ZNF2: variants seen among roughly 807,000 people sequenced by gnomAD.
The protein encoded by ZNF2 is zinc finger protein 2, also known as zinc finger protein 2.2.
ZNF2 carries 12 observed loss-of-function variants against 21.9 expected under a neutral mutation model. That is an observed-to-expected ratio of 0.55 (90% confidence interval 0.35 to 0.89). The LOEUF (loss-of-function observed/expected upper bound fraction) is 0.89. Ranked by LOEUF, ZNF2 falls within the 40% of genes least tolerant of loss-of-function variation. The pLI is 0.01. For synonymous variants in ZNF2, 186 were observed against 196.3 expected, an observed-to-expected ratio of 0.95 and a Z score of 0.44; for missense variants, 462 against 544.2, an observed-to-expected ratio of 0.85 and a Z score of 1.50.
intron 4 of ZNF2, 77 bp from the exon 5 acceptor site, chr2:95,181,026 C>T (rs1373081130): frequency 1.3e-6 from 2 of 1,512,416 alleles, no homozygotes; most frequent in Middle Eastern, 1.8e-4. Flanking sequence ...TACTTTCAGA[C>T]TCATCGGAGC....
rs775248552 is a variant in ZNF2 at position 95,180,111 on chromosome 2, A to C, written c.161-48A>C. On this transcript the variant is annotated intron_variant, in intron 3 of 4. Coordinates refer to ENST00000614034, the MANE Select transcript of ZNF2 (RefSeq NM_021088.4). Reference sequence around the variant, plus strand: ...GATTGAGCTTTGGGAGAGTGATATTATTTTCATCACACACAGCCACCTGCT... The same window carrying C: ...GATTGAGCTTTGGGAGAGTGATATTCTTTTCATCACACACAGCCACCTGCT... 2.1e-5 allele frequency: 28 copies of C among 1,337,654 alleles called. No homozygotes were observed. In the South Asian group the frequency reaches 3.2e-4, roughly 15 times the overall value. 82.9% of individuals were successfully genotyped at this position (1,337,654 alleles called of 1,614,324 possible).
At chr2:95,169,104 G>C (rs549370654) in intron 1 of ZNF2, among the ~76,000 whole-genome samples, 2 of 152,216 alleles carry the variant, frequency 1.3e-5, no homozygotes, top group Admixed American at 6.5e-5. Context: ...TGGTGGATTT[G>C]AGAAGTCTTC....
At chr2:95,171,396 T>TC (rs1200088324) in intron 1 of ZNF2, among the ~76,000 whole-genome samples, 3 of 151,262 alleles carry the variant, frequency 2.0e-5, no homozygotes, top group South Asian at 2.1e-4. Context: ...TTTTTTTTTT[T>TC]CCCCGACTCA....
intron 1 of ZNF2, 146 bp from the exon 2 acceptor site, chr2:95,176,042 C>T: frequency 5.3e-6 from 4 of 760,376 alleles, no homozygotes; most frequent in Non-Finnish European, 9.2e-6. Context: ...TGGGATTGTT[C>T]CTGGCTTTGC....
intron 1 of ZNF2, among the ~76,000 whole-genome samples, chr2:95,169,349 A>G (rs1330000391): frequency 6.6e-6 from 1 of 152,252 alleles, no homozygotes; most frequent in Non-Finnish European, 1.5e-5. Context: ...TTTCGACTGC[A>G]GTTTTGGATA....
At chr2:95,177,176 G>A (rs1278987256) in intron 2 of ZNF2, among the ~76,000 whole-genome samples, 2 of 152,184 alleles carry the variant, frequency 1.3e-5, no homozygotes, top group African/African-American at 4.8e-5. Flanking sequence ...TGTGGAAAAT[G>A]TTGACAGTTG....
At chr2:95,179,253 A>G (rs1037481970) in intron 3 of ZNF2, among the ~76,000 whole-genome samples, 7 of 152,236 alleles carry the variant, frequency 4.6e-5, no homozygotes, top group African/African-American at 1.7e-4. Flanking sequence ...CGGCCTCCCA[A>G]AGTGCTGGGA....
chr2:95,171,416 T>G (rs1324129021), intron 1 of ZNF2, among the ~76,000 whole-genome samples: 1 of 151,706 alleles, frequency 6.6e-6, no homozygotes, highest in African/African-American at 2.4e-5. Flanking sequence ...AGAGTCTTGC[T>G]CTGTCACCCA....
chr2:95,181,100 C>A lies in ZNF2; in HGVS notation c.275-3C>A. 6.2e-7 allele frequency: 1 copy of A among 1,611,314 alleles called. No individual in the cohort carries two copies. Among genetic ancestry groups the A allele is most frequent in the Non-Finnish European group, 8.5e-7 (1 of 1,178,826 alleles). ...AACTGCATCTGTTTTCTGTTTGTTC[C>A]AGACTGGGAAACTAAGCCTGAGATT... On this transcript the variant is annotated splice_region_variant and splice_polypyrimidine_tract_variant and intron_variant, in intron 4 of 4. Transcript: ENST00000614034.
rs1353195818 is a variant in ZNF2, at chr2:95,183,690, C to A, written c.*1584C>A. Reference sequence around the variant, plus strand: ...GGTTGGAATGCAATGGCACAATCTCCGCTCACTGCAAGCTCCGCCTCCCGG... The same window carrying A: ...GGTTGGAATGCAATGGCACAATCTCAGCTCACTGCAAGCTCCGCCTCCCGG... On this transcript the variant is annotated 3_prime_UTR_variant, in exon 5 of 5. Coordinates refer to ENST00000614034, the MANE Select transcript of ZNF2 (RefSeq NM_021088.4). The A allele has an allele frequency of 6.7e-6, 1 of 149,462 alleles. No individual in the cohort carries two copies. The highest frequency in any genetic ancestry group is 1.5e-5 in the Non-Finnish European group (1 of 67,594). 9.3% of individuals were successfully genotyped at this position (149,462 alleles called of 1,614,324 possible).
At chr2:95,175,704 A>G (rs1189413028) in intron 1 of ZNF2, among the ~76,000 whole-genome samples, 1 of 152,220 alleles carries the variant, frequency 6.6e-6, no homozygotes, top group African/African-American at 2.4e-5. Flanking sequence ...GGCTCCGGGA[A>G]TAAGACACAG....
At chr2:95,172,671 C>G (rs1674318308) in intron 1 of ZNF2, among the ~76,000 whole-genome samples, 1 of 146,242 alleles carries the variant, frequency 6.8e-6, no homozygotes, top group South Asian at 2.2e-4. Context: ...GAGTCTCACT[C>G]TGTCACCCAG....
chr2:95,173,142 A>G (rs933568903), intron 1 of ZNF2, among the ~76,000 whole-genome samples: 4 of 151,954 alleles, frequency 2.6e-5, no homozygotes, highest in Non-Finnish European at 5.9e-5. Flanking sequence ...TTATGTAAAT[A>G]TTATACAGTA....
At chr2:95,178,258 A>T (rs1483756508) in intron 3 of ZNF2, among the ~76,000 whole-genome samples, 1 of 152,196 alleles carries the variant, frequency 6.6e-6, no homozygotes, top group Non-Finnish European at 1.5e-5. Flanking sequence ...CAGGAGCTTC[A>T]CGAGAGGCTG....
chr2:95,181,060 C>T (rs747255087), intron 4 of ZNF2, 43 bp from the exon 5 acceptor site: 1 of 1,589,612 alleles, frequency 6.3e-7, no homozygotes, highest in South Asian at 1.2e-5. Context: ...GTAATATTTC[C>T]TAGCCCAGGA....
intron 2 of ZNF2, among the ~76,000 whole-genome samples, chr2:95,176,989 A>G (rs1573399410): frequency 2.6e-5 from 4 of 152,226 alleles, no homozygotes; most frequent in Admixed American, 2.6e-4. Flanking sequence ...GATCAATGCT[A>G]TTTTCTCCAT....
intron 1 of ZNF2, among the ~76,000 whole-genome samples, chr2:95,169,293 TAAAC>T (rs934321552): frequency 2.6e-5 from 4 of 152,208 alleles, no homozygotes; most frequent in African/African-American, 4.8e-5. Context: ...TGTAATCTAA[TAAAC>T]AAAACTTTGA....
chr2:95,170,919 T>C (rs2104496393), intron 1 of ZNF2, among the ~76,000 whole-genome samples: 1 of 152,332 alleles, frequency 6.6e-6, no homozygotes, highest in South Asian at 2.1e-4. Context: ...AATTTCTTTT[T>C]ACATACTTAT....
chr2:95,183,587 C>G lies in ZNF2; in HGVS notation c.*1481C>G, dbSNP rs1265051889. ...GAATTTTACCTCCTGACTCCAAAAA[C>G]TCTTCTCTTCCCTGGGCCCAGTCCT... On this transcript the variant is annotated 3_prime_UTR_variant, in exon 5 of 5. Transcript: ENST00000614034. 1 of 150,050 alleles carries G rather than the reference C, an allele frequency of 6.7e-6. No homozygotes were observed. The highest frequency in any genetic ancestry group is 1.5e-5 in the Non-Finnish European group (1 of 67,826). The allele number at this position is 150,050 out of a possible 1,614,324, so 9.3% of individuals were successfully genotyped here. A position where few individuals can be genotyped will look rare whatever the true frequency, so the allele number is the denominator to read the frequency against.
Sources: gnomAD v4.1 joint callset for allele counts (sites outside exome capture counted in the v4.1 genomes callset) on GRCh38, gnomAD v4.1.1 for gene constraint, MANE v1.5 for transcripts, NCBI Gene and HGNC (gene_info 2026-07-23, HGNC 2026-07-21) for gene names.